Variants in CATSPERG observed in about 807,000 individuals in gnomAD.
CATSPERG encodes the protein catsper channel auxiliary subunit gamma.
In CATSPERG, 115 loss-of-function variants were observed where a neutral mutation model predicts 145.0. That is an observed-to-expected ratio of 0.79 (90% confidence interval 0.68 to 0.93). The LOEUF (loss-of-function observed/expected upper bound fraction) is 0.93, where lower values mean the gene tolerates loss of function less well. Ranked by LOEUF, CATSPERG falls within the 40% of genes least tolerant of loss-of-function variation. The pLI, the probability that CATSPERG is intolerant of heterozygous loss-of-function variation, is 0.00. For missense variants in CATSPERG, 1,296 were observed against 1,490.1 expected (o/e 0.87, Z 2.14); for synonymous variants, 588 against 589.0 (o/e 1.00, Z 0.02).
chr19:38,343,841 C>A (rs1969978992), intron 4 of CATSPERG, 117 bp downstream of exon 4: 4 of 1,408,854 alleles, frequency 2.8e-6, no homozygotes, highest in African/African-American at 1.4e-5. Context: ...TCAGCACATT[C>A]CATGGCCTAG....
intron 26 of CATSPERG, 40 bp downstream of exon 26, chr19:38,368,177 G>A (rs751556415): frequency 6.4e-6 from 10 of 1,572,872 alleles, no homozygotes; most frequent in African/African-American, 2.7e-5. Flanking sequence ...CCCATCTGTC[G>A]GTAGTCCATT....
chr19:38,347,255 G>A (rs889613001), intron 7 of CATSPERG, among the ~76,000 whole-genome samples: 1 of 152,130 alleles, frequency 6.6e-6, no homozygotes, highest in African/African-American at 2.4e-5. Flanking sequence ...GTGGGCGCCT[G>A]TAATCCCAGC....
intron 3 of CATSPERG, 130 bp from the exon 4 acceptor site, chr19:38,343,437 AGACCATGTCCTCT>A: frequency 2.6e-6 from 2 of 756,200 alleles, no homozygotes; most frequent in Non-Finnish European, 4.1e-6. Context: ...CCCCAAACCT[AGACCATGTCCTCT>A]GACCATCACA....
At chr19:38,342,845 C>T (rs1474722050) in intron 3 of CATSPERG, among the ~76,000 whole-genome samples, 2 of 152,008 alleles carry the variant, frequency 1.3e-5, no homozygotes, top group Non-Finnish European at 2.9e-5. Flanking sequence ...CCACTCTAAG[C>T]GCTCCCCACC....
intron 8 of CATSPERG, among the ~76,000 whole-genome samples, chr19:38,353,369 AAG>A (rs1970182089): frequency 1.3e-5 from 2 of 150,360 alleles, no homozygotes; most frequent in African/African-American, 4.9e-5. Flanking sequence ...AGAGATGAAA[AAG>A]AGAGACTATT....
rs770186159 is a variant in CATSPERG at position 38,358,303 on chromosome 19, C to T, written c.1341C>T (p.Tyr447=). The T allele has an allele frequency of 7.1e-5, 115 of 1,614,056 alleles. 1 individual carries two copies. In the South Asian group the frequency reaches 1.1e-3, roughly 16 times the overall value. Residue 447 remains tyrosine, a synonymous_variant, in exon 12 of 29, where the codon TAC becomes TAT. Coordinates refer to ENST00000409235, the MANE Select transcript of CATSPERG (RefSeq NM_021185.5). ...CTAGTGATGACCTGGAACTTCTCTA[C>T]CACATCCCAGAATTCATCCCTGAAG... ...NTASDDLELL[Y]HIPEFIPEAR...
chr19:38,352,595 CTTTT>C (rs576701757), intron 8 of CATSPERG, 163 bp downstream of exon 8: 2,902 of 303,938 alleles, frequency 9.5e-3, no homozygotes, highest in East Asian at 0.016. Flanking sequence ...TTGCCTTGCC[CTTTT>C]TTTTTTTTTT....
intron 9 of CATSPERG, 44 bp downstream of exon 9, chr19:38,354,891 CCT>C: frequency 6.3e-7 from 1 of 1,586,390 alleles, no homozygotes; most frequent in Admixed American, 1.8e-5. Context: ...CCCTCCATAC[CCT>C]CTCTCACCTC....
At chr19:38,354,180 A>T (rs1173978534) in intron 8 of CATSPERG, among the ~76,000 whole-genome samples, 1 of 152,122 alleles carries the variant, frequency 6.6e-6, no homozygotes, top group African/African-American at 2.4e-5. Context: ...GCATTTTGAC[A>T]GTGGGAGGAA....
chr19:38,354,566 A>G (rs1970209624), intron 8 of CATSPERG, 144 bp from the exon 9 acceptor site: 3 of 898,448 alleles, frequency 3.3e-6, no homozygotes, highest in Non-Finnish European at 5.0e-6. Flanking sequence ...GCCCTCTGCC[A>G]GGTGCTCCCT....
At chr19:38,344,856 G>GACACAAACACACACACAC (rs1970004974) in intron 6 of CATSPERG, among the ~76,000 whole-genome samples, 1 of 92,356 alleles carries the variant, frequency 1.1e-5, no homozygotes, top group Non-Finnish European at 2.1e-5. Context: ...TACATGAACA[G>GACACAAACACACACACAC]ACACACACAC....
chr19:38,367,269 C>A lies in CATSPERG; in HGVS notation c.2727C>A (p.Cys909Ter). 1 of 1,613,692 alleles carries A rather than the reference C, an allele frequency of 6.2e-7. No individual in the cohort carries two copies. Among genetic ancestry groups the A allele is most frequent in the Non-Finnish European group, 8.5e-7 (1 of 1,180,006 alleles). The change falls in exon 23 of 29, where the codon TGC becomes TGA. Residue 909 changes from cysteine (C) to a stop codon, truncating the protein, a stop_gained. Transcript: ENST00000409235. LOFTEE classifies it high-confidence loss of function. ...SRLKNKHYFD[C>*]VNVNPEMPCF... ...TGAAGAACAAACACTACTTTGACTG[C>A]GTTAACGTGAACCCGGAGATGCCCT...
chr19:38,359,627 A>G, intron 14 of CATSPERG, 46 bp downstream of exon 14: 1 of 1,529,286 alleles, frequency 6.5e-7, no homozygotes, highest in Non-Finnish European at 8.8e-7. Flanking sequence ...GCCCACCCCC[A>G]AACCCCAGGG....
At chr19:38,342,414 A>G (rs1339125864) in intron 3 of CATSPERG, among the ~76,000 whole-genome samples, 1 of 151,888 alleles carries the variant, frequency 6.6e-6, no homozygotes, top group Non-Finnish European at 1.5e-5. Flanking sequence ...AGGCTGGCCA[A>G]CGTGGTGAAA....
At chr19:38,350,873 G>A (rs537861925) in intron 7 of CATSPERG, among the ~76,000 whole-genome samples, 2 of 152,110 alleles carry the variant, frequency 1.3e-5, no homozygotes, top group African/African-American at 2.4e-5. Flanking sequence ...CCTGTAATCC[G>A]AGCTACTCGG....
At chr19:38,339,860 CT>C (rs113183115) in intron 3 of CATSPERG, among the ~76,000 whole-genome samples, 137 of 144,474 alleles carry the variant, frequency 9.5e-4, no homozygotes, top group Admixed American at 1.1e-3. Flanking sequence ...TGAGATTCTT[CT>C]TTTTTTTTTT....
At chr19:38,350,617 A>C (rs1970122469) in intron 7 of CATSPERG, among the ~76,000 whole-genome samples, 2 of 152,074 alleles carry the variant, frequency 1.3e-5, no homozygotes, top group Admixed American at 6.6e-5. Context: ...GGCCTCAAGC[A>C]ATCCACCTGT....
At chr19:38,353,710 A>AAG (rs985293605) in intron 8 of CATSPERG, among the ~76,000 whole-genome samples, 10 of 148,310 alleles carry the variant, frequency 6.7e-5, no homozygotes, top group South Asian at 4.3e-4. Context: ...AAAAAAAAAA[A>AAG]AAAAGAAAAA....
intron 17 of CATSPERG, 101 bp from the exon 18 acceptor site, chr19:38,362,109 G>C: frequency 1.7e-5 from 23 of 1,326,016 alleles, no homozygotes; most frequent in Non-Finnish European, 2.4e-5. Flanking sequence ...CTCTGGGTTG[G>C]GGGCTGGCTT....
Sources: gnomAD v4.1 joint callset for allele counts (sites outside exome capture counted in the v4.1 genomes callset) on GRCh38, gnomAD v4.1.1 for gene constraint, MANE v1.5 for transcripts, NCBI Gene and HGNC (gene_info 2026-07-23, HGNC 2026-07-21) for gene names.